The following RAB5IF variants were observed in gnomAD, a reference collection of about 807,000 sequenced individuals.
RAB5IF encodes the protein GEL complex subunit OPTI.
A neutral mutation model predicts 20.3 loss-of-function variants in RAB5IF; 15 were observed. That is an observed-to-expected ratio of 0.74 (90% CI 0.50 to 1.14). The LOEUF (loss-of-function observed/expected upper bound fraction) is 1.14, where lower values mean the gene tolerates loss of function less well. Ranked by LOEUF, RAB5IF falls within the 50% of genes most tolerant of loss-of-function variation. The pLI is 0.00. For synonymous variants in RAB5IF, 67 were observed against 63.7 expected (o/e 1.05, Z -0.25); for missense variants, 148 against 159.5 (o/e 0.93, Z 0.39).
At chr20:36,609,258 A>ACACACACACACACAC (rs1555790847) in intron 2 of RAB5IF, among the ~76,000 whole-genome samples, 4 of 99,232 alleles carry the variant, frequency 4.0e-5, no homozygotes, top group African/African-American at 8.2e-5. Flanking sequence ...CACACACACT[A>ACACACACACACACAC]TATATAGAGT....
intron 2 of RAB5IF, chr20:36,608,253 T>A (rs554885775): frequency 3.7e-5 from 10 of 271,650 alleles, no homozygotes; most frequent in Non-Finnish European, 5.9e-5. Flanking sequence ...TCCCTCCATT[T>A]TGTTTTTTTG....
rs2039148936 is a variant in RAB5IF, at chr20:36,612,457, G to A, written c.*406G>A. The A allele has an allele frequency of 5.2e-6, 3 of 574,628 alleles. No homozygotes were observed. In the South Asian group the frequency reaches 6.1e-5, roughly 12 times the overall value. The allele number at this position is 574,628 out of a possible 1,614,324, so 35.6% of individuals were successfully genotyped here. A position where few individuals can be genotyped will look rare whatever the true frequency, so the allele number is the denominator to read the frequency against. On this transcript the variant is annotated 3_prime_UTR_variant, in exon 4 of 4. Transcript: ENST00000344795. ...TCAAGTCTTCTGAAACAGCATGGCT[G>A]TATGTGCGTGGTCCATAGCACAGTA...
intron 3 of RAB5IF, among the ~76,000 whole-genome samples, chr20:36,610,197 T>C (rs907628505): frequency 3.3e-5 from 5 of 151,846 alleles, no homozygotes; most frequent in Non-Finnish European, 5.9e-5. Flanking sequence ...GGCATGAGAA[T>C]CGCTTGAACC....
chr20:36,607,259 CTTTTTTTTTT>C (rs1157365481), intron 1 of RAB5IF, among the ~76,000 whole-genome samples: 1 of 132,884 alleles, frequency 7.5e-6, no homozygotes, highest in Non-Finnish European at 1.6e-5. Context: ...CTAAATGTAT[CTTTTTTTTTT>C]TTTTTTTTTG....
chr20:36,609,764 G>T (rs1209649627), intron 3 of RAB5IF, 34 bp downstream of exon 3: 5 of 1,613,976 alleles, frequency 3.1e-6, no homozygotes, highest in Non-Finnish European at 4.2e-6. Context: ...AACAGGTACT[G>T]TTCATTTCAT....
At chr20:36,607,607 G>T in intron 1 of RAB5IF, 108 bp from the exon 2 acceptor site, 1 of 1,342,832 alleles carries the variant, frequency 7.4e-7, no homozygotes, top group East Asian at 2.5e-5. Context: ...CCTTTGGGGG[G>T]AAACAAATTT....
chr20:36,606,209 A>C (rs774914351), intron 1 of RAB5IF, 144 bp downstream of exon 1: 35 of 473,190 alleles, frequency 7.4e-5, no homozygotes, highest in Non-Finnish European at 1.2e-4. Context: ...TGTCAGAGCA[A>C]ACTTGGCGGG....
chr20:36,612,272 C>G lies in RAB5IF; in HGVS notation c.*221C>G. ...TTGGGGAAGCATTTCTGAATTTATC[C>G]ATCACCAACCATTTCTTCTTGGATA... is the stretch of plus-strand genomic sequence containing the variant. On this transcript the variant is annotated 3_prime_UTR_variant, in exon 4 of 4. Coordinates refer to ENST00000344795, the MANE Select transcript of RAB5IF (RefSeq NM_018840.5). The G allele has an allele frequency of 6.5e-7, 1 of 1,543,544 alleles. No homozygotes were observed. The highest frequency in any genetic ancestry group is 9.0e-7 in the Non-Finnish European group (1 of 1,116,444).
intron 3 of RAB5IF, among the ~76,000 whole-genome samples, chr20:36,610,945 CAGT>C (rs958451935): frequency 3.9e-5 from 6 of 152,122 alleles, no homozygotes; most frequent in Non-Finnish European, 2.9e-5. Flanking sequence ...GTTTTGGAAT[CAGT>C]GGTGATGTTT....
At position 36,612,211 on chromosome 20, in the gene RAB5IF, G is replaced by A. The variant is rs750986212; in HGVS notation, c.*160G>A. ...GTTGGGCATCAGTGTTTTCTGCAAGGGTTGTGACCTGAAACTTTTTAAAAA... is the reference window on the plus strand; with the variant it reads ...GTTGGGCATCAGTGTTTTCTGCAAGAGTTGTGACCTGAAACTTTTTAAAAA... On this transcript the variant is annotated 3_prime_UTR_variant, in exon 4 of 4. Coordinates refer to ENST00000344795, the MANE Select transcript of RAB5IF (RefSeq NM_018840.5). 2.5e-6 allele frequency: 4 copies of A among 1,613,972 alleles called. No individual in the cohort carries two copies. Among genetic ancestry groups the A allele is most frequent in the African/African-American group, 1.3e-5 (1 of 74,904 alleles).
At chr20:36,607,378 G>A (rs1012511206) in intron 1 of RAB5IF, among the ~76,000 whole-genome samples, 7 of 149,630 alleles carry the variant, frequency 4.7e-5, no homozygotes, top group Non-Finnish European at 1.0e-4. Context: ...AAAGGCGCCC[G>A]CCACAACACC....
At chr20:36,610,644 G>A (rs1364058741) in intron 3 of RAB5IF, among the ~76,000 whole-genome samples, 3 of 151,120 alleles carry the variant, frequency 2.0e-5, no homozygotes, top group South Asian at 2.1e-4. Context: ...GCAGTGTGCC[G>A]AGATCGCGCC....
At position 36,609,156 on chromosome 20, in the gene RAB5IF, T is replaced by TACATACATACACATAC; in HGVS notation, c.219-442_219-441insTACATACACATACACA. Among the ~76,000 whole-genome samples the TACATACATACACATAC allele has an allele frequency of 5.3e-4, 9 of 17,064 alleles. 2 individuals carry two copies. The highest frequency in any genetic ancestry group is 2.0e-3 in the African/African-American group (8 of 4,082). The allele number at this position is 17,064 out of a possible 152,430, so 11.2% of individuals were successfully genotyped here. A position where few individuals can be genotyped will look rare whatever the true frequency, so the allele number is the denominator to read the frequency against. On this transcript the variant is annotated intron_variant, in intron 2 of 3. Transcript: ENST00000344795. The stretch of plus-strand genomic sequence containing the variant: ...TTCAAGGGGCTTTGGAGAACTATAT[T>TACATACATACACATAC]ACACACACACACACACACACACACA...
Position 36,609,873 on chromosome 20 carries a change from G to A in RAB5IF, c.348+143G>A. The stretch of plus-strand genomic sequence containing the variant: ...CTTCTGAGGCTCAGGGCCATGGCCT[G>A]TGTTGAGCCACATCCCAGAAGATGT... On this transcript the variant is annotated intron_variant, in intron 3 of 3. Coordinates refer to ENST00000344795, the MANE Select transcript of RAB5IF (RefSeq NM_018840.5). 3.5e-6 allele frequency: 5 copies of A among 1,435,066 alleles called. No individual in the cohort carries two copies. In the South Asian group the frequency reaches 3.6e-5, roughly 10 times the overall value. 88.9% of individuals were successfully genotyped at this position (1,435,066 alleles called of 1,614,324 possible).
At chr20:36,611,890 G>A (rs1644711282) in intron 3 of RAB5IF, 120 bp from the exon 4 acceptor site, 1 of 1,315,206 alleles carries the variant, frequency 7.6e-7, no homozygotes, top group Non-Finnish European at 1.1e-6. Flanking sequence ...CAAGCAGACT[G>A]TGCAACGGAT....
At chr20:36,608,120 C>T (rs1600801311) in intron 2 of RAB5IF, 2 of 453,786 alleles carry the variant, frequency 4.4e-6, no homozygotes, top group East Asian at 1.2e-4. Flanking sequence ...TCTAGTTCTG[C>T]TGTGACCTTT....
At chr20:36,608,111 C>G in intron 2 of RAB5IF, 1 of 490,996 alleles carries the variant, frequency 2.0e-6, no homozygotes, top group South Asian at 1.9e-5. Context: ...GGCATGCACT[C>G]TAGTTCTGCT....
At chr20:36,610,914 AC>A (rs1275225638) in intron 3 of RAB5IF, among the ~76,000 whole-genome samples, 1 of 152,198 alleles carries the variant, frequency 6.6e-6, no homozygotes, top group African/African-American at 2.4e-5. Flanking sequence ...GATAAAGGAA[AC>A]AGGCTCTTTT....
At chr20:36,609,203 G>GA (rs2039030040) in intron 2 of RAB5IF, among the ~76,000 whole-genome samples, 1 of 34,612 alleles carries the variant, frequency 2.9e-5, no homozygotes, top group Admixed American at 3.2e-4. Flanking sequence ...ACGCACACAC[G>GA]CACACACGCA....
Sources: allele counts gnomAD v4.1 joint callset (sites outside exome capture counted in the v4.1 genomes callset), GRCh38; gene constraint gnomAD v4.1.1; transcripts MANE v1.5; gene names NCBI Gene and HGNC (gene_info 2026-07-23, HGNC 2026-07-21).